Variants in NKAIN2 observed in about 807,000 individuals in gnomAD.
NKAIN2 encodes sodium/potassium transporting ATPase interacting 2.
Under a neutral mutation model 32.6 loss-of-function variants are expected in NKAIN2, and 14 were observed. That is an observed-to-expected ratio of 0.43 (90% CI 0.28 to 0.67). The LOEUF (loss-of-function observed/expected upper bound fraction) is 0.67, where lower values mean the gene tolerates loss of function less well. Ranked by LOEUF, NKAIN2 falls within the 30% of genes least tolerant of loss-of-function variation. NKAIN2 has a pLI of 0.17. For synonymous variants in NKAIN2, 80 were observed against 87.2 expected (o/e 0.92, Z 0.46); for missense variants, 198 against 258.3 (o/e 0.77, Z 1.60).
At chr6:124,045,112 T>C (rs1782055224) in intron 1 of NKAIN2, among the ~76,000 whole-genome samples, 1 of 151,948 alleles carries the variant, frequency 6.6e-6, no homozygotes, top group South Asian at 2.1e-4. Flanking sequence ...ATGGCATTAT[T>C]CACCTTTATA....
intron 1 of NKAIN2, among the ~76,000 whole-genome samples, chr6:123,937,103 G>A (rs1202961951): frequency 1.3e-5 from 2 of 152,026 alleles, no homozygotes; most frequent in African/African-American, 2.4e-5. Flanking sequence ...AAAATGATTT[G>A]CTGTTCTGCT....
intron 3 of NKAIN2, among the ~76,000 whole-genome samples, chr6:124,524,573 G>A (rs1779241772): frequency 6.6e-6 from 1 of 152,032 alleles, no homozygotes; most frequent in Admixed American, 6.5e-5. Flanking sequence ...TGTTGCATTT[G>A]CACTCCAGAA....
chr6:124,355,092 GA>G (rs370860513), intron 2 of NKAIN2, among the ~76,000 whole-genome samples, 174 bp from the exon 3 acceptor site: 21 of 148,076 alleles, frequency 1.4e-4, no homozygotes, highest in South Asian at 6.5e-4. Context: ...AGGAAAGAAG[GA>G]AAAAAAAATC....
chr6:123,897,841 T>C (rs191259369), intron 1 of NKAIN2, among the ~76,000 whole-genome samples: 1 of 152,312 alleles, frequency 6.6e-6, no homozygotes, highest in East Asian at 1.9e-4. Flanking sequence ...TACACTGAGC[T>C]GGTCGGGTTT....
intron 3 of NKAIN2, among the ~76,000 whole-genome samples, chr6:124,499,649 T>C (rs1223519665): frequency 3.3e-5 from 5 of 152,164 alleles, no homozygotes; most frequent in South Asian, 2.1e-4. Context: ...TCCCACAAGA[T>C]AAAAGAGATT....
intron 1 of NKAIN2, among the ~76,000 whole-genome samples, chr6:123,933,860 A>G (rs1242044467): frequency 1.3e-5 from 2 of 152,194 alleles, no homozygotes; most frequent in Non-Finnish European, 2.9e-5. Context: ...TGTACTCTAC[A>G]TGTGAATGGA....
At chr6:124,536,521 CTTCCCTTGCCTGAATTACTTAAGTAA>C (rs931305567) in intron 3 of NKAIN2, among the ~76,000 whole-genome samples, 46 of 152,248 alleles carry the variant, frequency 3.0e-4, no homozygotes, top group South Asian at 1.4e-3. Flanking sequence ...GGGCAATCCC[CTTCCCTTGCCTGAATTACTTAAGTAA>C]TTCCCTTGCC....
In NKAIN2 at chr6:124,039,189, A is replaced by G. The variant is rs543995451; in HGVS notation, c.54+234935A>G. 2.4e-4 allele frequency among the ~76,000 whole-genome samples: 36 copies of G among 152,222 alleles called. 2 individuals are homozygous for G. The South Asian group carries it at 7.0e-3, about 30-fold the overall frequency. ...ACCAATAAAATTTTTAAAAATAAGAAGAAGAAATACCAACTCTGAGAAATA... is the reference window on the plus strand; with the variant it reads ...ACCAATAAAATTTTTAAAAATAAGAGGAAGAAATACCAACTCTGAGAAATA... On this transcript the variant is annotated intron_variant, in intron 1 of 6. Coordinates refer to ENST00000368417, the MANE Select transcript of NKAIN2 (RefSeq NM_001040214.3).
At chr6:124,511,220 G>A (rs895741389) in intron 3 of NKAIN2, among the ~76,000 whole-genome samples, 2 of 152,054 alleles carry the variant, frequency 1.3e-5, no homozygotes, top group African/African-American at 4.8e-5. Context: ...TACATATCTT[G>A]AGCATTTTAG....
intron 2 of NKAIN2, among the ~76,000 whole-genome samples, chr6:124,310,246 A>T (rs1796659380): frequency 6.6e-6 from 1 of 152,096 alleles, no homozygotes; most frequent in Non-Finnish European, 1.5e-5. Context: ...ACTTTCATTT[A>T]TGTAGATTTT....
intron 1 of NKAIN2, among the ~76,000 whole-genome samples, chr6:124,123,432 T>TC (rs1785993077): frequency 6.6e-6 from 1 of 152,174 alleles, no homozygotes; most frequent in Non-Finnish European, 1.5e-5. Context: ...TTCTTGTTTT[T>TC]CCCAGAGACA....
chr6:124,094,898 C>A (rs944144053), intron 1 of NKAIN2, among the ~76,000 whole-genome samples: 2 of 152,080 alleles, frequency 1.3e-5, no homozygotes, highest in African/African-American at 4.8e-5. Flanking sequence ...GTTTAAGATT[C>A]ACTTTTCATT....
At chr6:123,956,178 A>G (rs1360481330) in intron 1 of NKAIN2, among the ~76,000 whole-genome samples, 5 of 152,140 alleles carry the variant, frequency 3.3e-5, no homozygotes, top group Non-Finnish European at 5.9e-5. Flanking sequence ...GGGAGAATAG[A>G]AGGAAAAAAG....
intron 2 of NKAIN2, among the ~76,000 whole-genome samples, chr6:124,337,353 A>T (rs1385748746): frequency 2.6e-5 from 4 of 152,044 alleles, no homozygotes; most frequent in Non-Finnish European, 5.9e-5. Flanking sequence ...AAATAATAAT[A>T]ATAATTAGCC....
chr6:123,922,758 T>C lies in NKAIN2; in HGVS notation c.54+118504T>C, dbSNP rs1007758009. On this transcript the variant is annotated intron_variant, in intron 1 of 6. Coordinates refer to ENST00000368417, the MANE Select transcript of NKAIN2 (RefSeq NM_001040214.3). ...TATTTCTCAGTTGTTTCCTTGTATA[T>C]GTATTGGATATAAGAGGTAGGAGGT... Among the ~76,000 whole-genome samples the C allele has an allele frequency of 6.9e-4, 105 of 152,214 alleles. 1 individual carries two copies. The highest frequency in any genetic ancestry group is 2.5e-3 in the African/African-American group (102 of 41,458).
chr6:124,514,325 A>G (rs1322867208), intron 3 of NKAIN2, among the ~76,000 whole-genome samples: 3 of 152,186 alleles, frequency 2.0e-5, no homozygotes, highest in Non-Finnish European at 2.9e-5. Flanking sequence ...GGATTGGACA[A>G]TACCCCACTG....
At chr6:123,970,813 C>T (rs1453991865) in intron 1 of NKAIN2, among the ~76,000 whole-genome samples, 1 of 151,838 alleles carries the variant, frequency 6.6e-6, no homozygotes, top group Non-Finnish European at 1.5e-5. Context: ...ACCCAGGAGG[C>T]GGAGGTTGCT....
rs796812636 is a variant in NKAIN2 at position 124,823,598 on chromosome 6, G to A, written c.*369G>A. 8.7e-5 allele frequency: 19 copies of A among 219,028 alleles called. No homozygotes were observed. The highest frequency in any genetic ancestry group is 4.1e-4 in the African/African-American group (18 of 44,414). 13.6% of individuals were successfully genotyped at this position (219,028 alleles called of 1,614,324 possible). A position where few individuals can be genotyped will look rare whatever the true frequency, so the allele number is the denominator to read the frequency against. Reference sequence around the variant, plus strand: ...TCTGCAGCCCAGCGGGTTGGCCTCTGTGAGCTGGGAAGTCATCCAAGGCAC... The same window carrying A: ...TCTGCAGCCCAGCGGGTTGGCCTCTATGAGCTGGGAAGTCATCCAAGGCAC... On this transcript the variant is annotated 3_prime_UTR_variant, in exon 7 of 7. Transcript: ENST00000368417.
chr6:124,177,193 G>T (rs948102969), intron 1 of NKAIN2, among the ~76,000 whole-genome samples: 2 of 152,118 alleles, frequency 1.3e-5, no homozygotes, highest in Middle Eastern at 3.4e-3. Context: ...CACATTTATT[G>T]TAAAAATAAA....
Sources: allele counts gnomAD v4.1 joint callset (sites outside exome capture counted in the v4.1 genomes callset), GRCh38; gene constraint gnomAD v4.1.1; transcripts MANE v1.5; gene names NCBI Gene and HGNC (gene_info 2026-07-23, HGNC 2026-07-21).